LEPROTL1: variants seen among roughly 807,000 people sequenced by gnomAD.
The protein encoded by LEPROTL1 is leptin receptor overlapping transcript like 1.
Under a neutral mutation model 15.4 loss-of-function variants are expected in LEPROTL1, and 6 were observed. The ratio of observed to expected loss-of-function variants is 0.39; its 90% confidence interval spans 0.21 to 0.77. The LOEUF is 0.77. Among genes scored for constraint, LEPROTL1 ranks in the 30% least tolerant of loss-of-function variants. LEPROTL1 has a pLI of 0.41. For synonymous variants in LEPROTL1, 56 were observed against 52.6 expected, an observed-to-expected ratio of 1.06 and a Z score of -0.28; for missense variants, 128 against 158.1, an observed-to-expected ratio of 0.81 and a Z score of 1.02.
downstream of LEPROTL1, among the ~76,000 whole-genome samples, chr8:30,110,715 C>T (rs767001994): frequency 7.9e-5 from 12 of 151,922 alleles, no homozygotes; most frequent in Non-Finnish European, 1.6e-4. Flanking sequence ...GTCTGGGTGG[C>T]AGAGTGAGAC....
chr8:30,104,924 C>T (rs1341779390), intron 3 of LEPROTL1: 2 of 152,854 alleles, frequency 1.3e-5, no homozygotes, highest in Admixed American at 1.3e-4. Context: ...CCGTGTTAGC[C>T]AGAATGGTCT....
At chr8:30,101,774 A>G in intron 1 of LEPROTL1, 124 bp from the exon 2 acceptor site, 1 of 578,948 alleles carries the variant, frequency 1.7e-6, no homozygotes, top group Non-Finnish European at 3.0e-6. Flanking sequence ...TTCTGATGGC[A>G]ACTTGCTATT....
downstream of LEPROTL1, chr8:30,138,312 A>G (rs189369944): frequency 9.7e-4 from 447 of 462,202 alleles, 1 homozygote; most frequent in Non-Finnish European, 1.3e-3. Context: ...GGGCGGTTAC[A>G]CTAACATTCA....
At chr8:30,137,407 G>T (rs77053651) in exon 5 of LEPROTL1, 1 of 1,551,636 alleles carries the variant, frequency 6.4e-7, no homozygotes, top group South Asian at 1.2e-5. Flanking sequence ...CACTCAACCC[G>T]TGCTGAGGCT....
chr8:30,133,008 G>C (rs760549304), intron 4 of LEPROTL1: 3 of 1,141,010 alleles, frequency 2.6e-6, no homozygotes, highest in Non-Finnish European at 3.6e-6. Context: ...AGATAGGTCT[G>C]TACAGCTAAG....
chr8:30,134,535 A>G lies in LEPROTL1; in HGVS notation c.394+2046A>G, dbSNP rs531963372. 2.0e-4 allele frequency among the ~76,000 whole-genome samples: 30 copies of G among 152,024 alleles called. No homozygotes were observed. In the East Asian group the frequency reaches 5.8e-3, roughly 29 times the overall value. On this transcript the variant is annotated intron_variant, in intron 4 of 4. Transcript: ENST00000442880. ...TGTAATGCCCAATTCCTAAATAAGTATCATTTTCTTTTTTTATTTTTTTGG... is the reference window on the plus strand; with the variant it reads ...TGTAATGCCCAATTCCTAAATAAGTGTCATTTTCTTTTTTTATTTTTTTGG...
chr8:30,121,935 G>A (rs980365164), intron 3 of LEPROTL1, among the ~76,000 whole-genome samples: 28 of 152,004 alleles, frequency 1.8e-4, no homozygotes, highest in African/African-American at 6.3e-4. Flanking sequence ...GGAGGCCAAG[G>A]TGGGCAAATC....
chr8:30,099,599 TAAAAAAAAA>T (rs71204264), intron 1 of LEPROTL1, among the ~76,000 whole-genome samples: 1 of 112,474 alleles, frequency 8.9e-6, no homozygotes, highest in African/African-American at 3.6e-5. Flanking sequence ...AGACTCCATT[TAAAAAAAAA>T]AAAAAAAAAA....
chr8:30,097,664 T>G (rs1396083295), intron 1 of LEPROTL1, among the ~76,000 whole-genome samples: 4 of 82,198 alleles, frequency 4.9e-5, no homozygotes, highest in Non-Finnish European at 9.9e-5. Context: ...AGAGTGAGAC[T>G]CTGTCTCAAA....
Position 30,106,193 on chromosome 8 carries a change from A to G in LEPROTL1, c.*331A>G, listed in dbSNP as rs1802564415. ...ATATGCAATGTTAAACACTTTTTTA[A>G]TGTAATCATTTGCATTGGTTAGGAA... is the stretch of plus-strand genomic sequence containing the variant. On this transcript the variant is annotated 3_prime_UTR_variant, in exon 4 of 4. Transcript: ENST00000321250. The G allele has an allele frequency of 1.0e-6, 1 of 987,678 alleles. No individual in the cohort carries two copies. The highest frequency in any genetic ancestry group is 1.7e-5 in the African/African-American group (1 of 57,290). The allele number at this position is 987,678 out of a possible 1,614,324, so 61.2% of individuals were successfully genotyped here.
At chr8:30,137,124 A>G (rs111835432) in intron 4 of LEPROTL1, 11 of 658,204 alleles carry the variant, frequency 1.7e-5, no homozygotes, top group African/African-American at 1.6e-4. Flanking sequence ...GCTCCAAGTG[A>G]CCCTGAAGCC....
At chr8:30,105,272 T>C (rs1423530666) in intron 3 of LEPROTL1, among the ~76,000 whole-genome samples, 1 of 152,150 alleles carries the variant, frequency 6.6e-6, no homozygotes, top group African/African-American at 2.4e-5. Flanking sequence ...TTCCCACCCC[T>C]TCAAAAGAAT....
Position 30,097,686 on chromosome 8 carries a change from T to TAA in LEPROTL1, c.16+2159_16+2160insAA, listed in dbSNP as rs1166056465. Among the ~76,000 whole-genome samples the TAA allele has an allele frequency of 7.6e-5, 8 of 105,734 alleles. 1 individual carries two copies. The highest frequency in any genetic ancestry group is 1.3e-4 in the Non-Finnish European group (7 of 55,256). The allele number at this position is 105,734 out of a possible 152,430, so 69.4% of individuals were successfully genotyped here. ...GACTCTGTCTCAAAAAAAAAAAAAA[T>TAA]ATATATATATATACACACACACACA... On this transcript the variant is annotated intron_variant, in intron 1 of 3. Transcript: ENST00000321250.
intron 4 of LEPROTL1, among the ~76,000 whole-genome samples, chr8:30,133,352 A>C (rs1225595603): frequency 1.3e-5 from 2 of 152,216 alleles, no homozygotes. Flanking sequence ...AATTTTTTGT[A>C]ATGATCATGT....
At chr8:30,099,021 C>T (rs1385659172) in intron 1 of LEPROTL1, among the ~76,000 whole-genome samples, 1 of 152,200 alleles carries the variant, frequency 6.6e-6, no homozygotes. Flanking sequence ...TCAGGTGGTG[C>T]TTCATCAGAG....
intron 1 of LEPROTL1, among the ~76,000 whole-genome samples, chr8:30,100,680 A>C (rs1344718675): frequency 6.6e-6 from 1 of 152,040 alleles, no homozygotes; most frequent in Admixed American, 6.6e-5. Flanking sequence ...CAAACCCCCA[A>C]CCTCATGATC....
intron 1 of LEPROTL1, among the ~76,000 whole-genome samples, chr8:30,100,678 C>G (rs1802451152): frequency 6.6e-6 from 1 of 152,184 alleles, no homozygotes; most frequent in Non-Finnish European, 1.5e-5. Flanking sequence ...CTCAAACCCC[C>G]AACCTCATGA....
At position 30,106,635 on chromosome 8, in the gene LEPROTL1, A is replaced by C; in HGVS notation, c.*773A>C. ...ATTTATGTTTATTATTGTTAGAGTG[A>C]GTTGCAATGTGGGAAGAAATGACAT... On this transcript the variant is annotated 3_prime_UTR_variant, in exon 4 of 4. Transcript: ENST00000321250. 2.0e-6 allele frequency: 2 copies of C among 982,884 alleles called. No individual in the cohort carries two copies. Among genetic ancestry groups the C allele is most frequent in the Non-Finnish European group, 2.4e-6 (2 of 827,218 alleles). The allele number at this position is 982,884 out of a possible 1,614,324, so 60.9% of individuals were successfully genotyped here.
chr8:30,100,669 T>C (rs1010141826), intron 1 of LEPROTL1, among the ~76,000 whole-genome samples: 1 of 152,208 alleles, frequency 6.6e-6, no homozygotes, highest in African/African-American at 2.4e-5. Flanking sequence ...CAGGCTGGTC[T>C]CAAACCCCCA....
Sources: allele counts gnomAD v4.1 joint callset (sites outside exome capture counted in the v4.1 genomes callset), GRCh38; gene constraint gnomAD v4.1.1; transcripts MANE v1.5; gene names NCBI Gene and HGNC (gene_info 2026-07-23, HGNC 2026-07-21).